The following UGT1A7 variants were observed in gnomAD, a reference collection of about 807,000 sequenced individuals.
UGT1A7 encodes UDP glucuronosyltransferase family 1 member A7.
Under a neutral mutation model 45.6 loss-of-function variants are expected in UGT1A7, and 33 were observed. The ratio of observed to expected loss-of-function variants is 0.72; its 90% confidence interval spans 0.55 to 0.97. The LOEUF (loss-of-function observed/expected upper bound fraction) is 0.97. UGT1A7 is among the 50% of genes least tolerant of loss of function. UGT1A7 has a pLI of 0.00. For missense variants in UGT1A7, 684 were observed against 666.2 expected (o/e 1.03, Z -0.29); for synonymous variants, 274 against 250.6 (o/e 1.09, Z -0.88).
chr2:233,712,705 T>C (rs991902225), intron 1 of UGT1A7, among the ~76,000 whole-genome samples: 6 of 152,022 alleles, frequency 3.9e-5, no homozygotes, highest in South Asian at 2.1e-4. Context: ...CAGCCTTGTG[T>C]TGGGAATTGA....
chr2:233,714,744 A>G (rs988527587), intron 1 of UGT1A7, among the ~76,000 whole-genome samples: 3 of 152,232 alleles, frequency 2.0e-5, no homozygotes, highest in Non-Finnish European at 4.4e-5. Flanking sequence ...AATCTAGCAT[A>G]TATTTGACAC....
At chr2:233,754,769 C>T in intron 1 of UGT1A7, 4 of 1,026,872 alleles carry the variant, frequency 3.9e-6, no homozygotes, top group Non-Finnish European at 5.4e-6. Context: ...CCCCACTTCC[C>T]AGGGAGCCAA....
chr2:233,745,268 C>T (rs755257414), intron 1 of UGT1A7, among the ~76,000 whole-genome samples: 3 of 151,698 alleles, frequency 2.0e-5, no homozygotes, highest in Non-Finnish European at 4.4e-5. Context: ...ACTTGCAGGC[C>T]GTGTGTATAG....
Position 233,690,571 on chromosome 2 carries a change from C to T in UGT1A7, c.855+7779C>T. The T allele has an allele frequency of 2.3e-6, 3 of 1,288,856 alleles. 1 individual carries two copies. The African/African-American group carries it at 4.6e-5, about 20-fold the overall frequency. The allele number at this position is 1,288,856 out of a possible 1,614,324, so 79.8% of individuals were successfully genotyped here. A position where few individuals can be genotyped will look rare whatever the true frequency, so the allele number is the denominator to read the frequency against. On this transcript the variant is annotated intron_variant, in intron 1 of 4. Transcript: ENST00000373426. ...TATGTCCCAAGCCTGAGTCATTCAGCCTGCAGCAATCCCTGAGAAAAAAAA... is the reference window on the plus strand; with the variant it reads ...TATGTCCCAAGCCTGAGTCATTCAGTCTGCAGCAATCCCTGAGAAAAAAAA...
At chr2:233,755,334 C>A (rs1041656249) in intron 1 of UGT1A7, 2 of 456,396 alleles carry the variant, frequency 4.4e-6, no homozygotes, top group Non-Finnish European at 7.5e-6. Flanking sequence ...AGCACCCGCG[C>A]ACAGGTCAGA....
intron 1 of UGT1A7, among the ~76,000 whole-genome samples, chr2:233,687,219 G>T (rs1271855173): frequency 6.6e-6 from 1 of 152,128 alleles, no homozygotes; most frequent in Non-Finnish European, 1.5e-5. Flanking sequence ...GCATTTTCCA[G>T]CACAATTATC....
chr2:233,684,850 G>A lies in UGT1A7; in HGVS notation c.855+2058G>A, dbSNP rs541497962. ...TAGAAAAATTTATGGACACTGTATA[G>A]TGTTCCTTTCTTGTTTCATATGGGC... is the stretch of plus-strand genomic sequence containing the variant. On this transcript the variant is annotated intron_variant, in intron 1 of 4. Coordinates refer to ENST00000373426, the MANE Select transcript of UGT1A7 (RefSeq NM_019077.3). Among the ~76,000 whole-genome samples the A allele has an allele frequency of 8.5e-5, 13 of 152,312 alleles. No homozygotes were observed. The South Asian group carries it at 1.9e-3, about 22-fold the overall frequency.
intron 1 of UGT1A7, among the ~76,000 whole-genome samples, chr2:233,763,329 T>C (rs752568926): frequency 2.0e-5 from 3 of 152,234 alleles, no homozygotes; most frequent in Non-Finnish European, 2.9e-5. Flanking sequence ...ATTATTTTTG[T>C]TTACATTTCC....
chr2:233,714,180 C>T (rs1425005373), intron 1 of UGT1A7, among the ~76,000 whole-genome samples: 1 of 152,158 alleles, frequency 6.6e-6, no homozygotes, highest in Non-Finnish European at 1.5e-5. Flanking sequence ...TGGGCAGGAG[C>T]AGGGACACTA....
intron 1 of UGT1A7, among the ~76,000 whole-genome samples, chr2:233,746,783 T>C (rs1194823127): frequency 6.6e-6 from 1 of 151,828 alleles, no homozygotes; most frequent in East Asian, 1.9e-4. Flanking sequence ...TGGTTTTCTG[T>C]TGTAATTCAT....
At chr2:233,749,019 A>C (rs1274313061) in intron 1 of UGT1A7, among the ~76,000 whole-genome samples, 1 of 151,468 alleles carries the variant, frequency 6.6e-6, no homozygotes, top group Non-Finnish European at 1.5e-5. Context: ...TTAATCCAGA[A>C]TATTTGGGGT....
chr2:233,693,488 T>C (rs746631423), intron 1 of UGT1A7: 2 of 1,613,982 alleles, frequency 1.2e-6, no homozygotes, highest in African/African-American at 2.7e-5. Flanking sequence ...CCTGGCTGAG[T>C]ATTTGGGCCT....
chr2:233,708,871 C>T (rs544607224), intron 1 of UGT1A7, among the ~76,000 whole-genome samples: 1 of 151,394 alleles, frequency 6.6e-6, no homozygotes, highest in East Asian at 1.9e-4. Context: ...TTTATTGGTT[C>T]ACATACTAGA....
chr2:233,764,618 A>G (rs1306085339), intron 1 of UGT1A7, among the ~76,000 whole-genome samples: 3 of 152,108 alleles, frequency 2.0e-5, no homozygotes, highest in Non-Finnish European at 2.9e-5. Flanking sequence ...AGTGGGTTTC[A>G]TGAAGAGCAA....
At chr2:233,754,945 G>C (rs1342760083) in intron 1 of UGT1A7, 3 of 1,327,414 alleles carry the variant, frequency 2.3e-6, no homozygotes, top group Non-Finnish European at 3.0e-6. Flanking sequence ...AAGGAGAATG[G>C]GTCCCGGCCG....
rs28898609 is a variant in UGT1A7 at position 233,718,170 on chromosome 2, C to G, written c.855+35378C>G. The G allele has an allele frequency of 6.8e-3, 1,637 of 241,004 alleles. 38 individuals are homozygous for G. The highest frequency in any genetic ancestry group is 0.033 in the African/African-American group (1,513 of 45,480). The allele number at this position is 241,004 out of a possible 1,614,324, so 14.9% of individuals were successfully genotyped here. The stretch of plus-strand genomic sequence containing the variant: ...AAAGCCTTCCCAAGAATATGATCAT[C>G]ACATCTTGAGCTCAGCCTCCCCGGA... On this transcript the variant is annotated intron_variant, in intron 1 of 4. Coordinates refer to ENST00000373426, the MANE Select transcript of UGT1A7 (RefSeq NM_019077.3).
chr2:233,722,716 G>A (rs952694849), intron 1 of UGT1A7, among the ~76,000 whole-genome samples: 1 of 151,988 alleles, frequency 6.6e-6, no homozygotes, highest in Non-Finnish European at 1.5e-5. Flanking sequence ...TTAAATATCA[G>A]TTTTTAAATT....
At chr2:233,732,132 GT>G (rs869109259) in intron 1 of UGT1A7, among the ~76,000 whole-genome samples, 1 of 57,612 alleles carries the variant, frequency 1.7e-5, no homozygotes, top group African/African-American at 9.7e-5. Context: ...TGATGAGGTT[GT>G]TTGTTTGTTT....
At chr2:233,772,139 G>C in intron 4 of UGT1A7, 123 bp from the exon 5 acceptor site, 1 of 1,548,574 alleles carries the variant, frequency 6.5e-7, no homozygotes, top group Non-Finnish European at 8.7e-7. Context: ...AACAATAATA[G>C]AAACAGGTTT....
Sources: gnomAD v4.1 joint callset for allele counts (sites outside exome capture counted in the v4.1 genomes callset) on GRCh38, gnomAD v4.1.1 for gene constraint, MANE v1.5 for transcripts, NCBI Gene and HGNC (gene_info 2026-07-23, HGNC 2026-07-21) for gene names.